THAP8: variants seen among roughly 807,000 people sequenced by gnomAD.
THAP8 encodes THAP domain-containing protein 8.
Under a neutral mutation model 25.0 loss-of-function variants are expected in THAP8, and 24 were observed. The observed-to-expected ratio is 0.96, with a 90% CI of 0.69 to 1.35. The LOEUF (loss-of-function observed/expected upper bound fraction) is 1.35, where lower values mean the gene tolerates loss of function less well. Ranked by LOEUF, THAP8 falls within the 40% of genes most tolerant of loss-of-function variation. THAP8 has a pLI of 0.00. For synonymous variants in THAP8, 169 were observed against 157.6 expected, an observed-to-expected ratio of 1.07 and a Z score of -0.54; for missense variants, 399 against 368.8, an observed-to-expected ratio of 1.08 and a Z score of -0.67.
intron 1 of THAP8, among the ~76,000 whole-genome samples, chr19:36,051,369 C>A (rs1411319433): frequency 5.3e-5 from 8 of 152,106 alleles, no homozygotes; most frequent in African/African-American, 1.9e-4. Context: ...TCCAGCCTCA[C>A]TTTATTTTTT....
chr19:36,040,169 T>C (rs757290478), intron 1 of THAP8, 33 bp from the exon 2 acceptor site: 1 of 1,572,302 alleles, frequency 6.4e-7, no homozygotes, highest in Non-Finnish European at 8.6e-7. Context: ...GGGTCAGTGC[T>C]ACGAGGTTCA....
Position 36,035,285 on chromosome 19 carries a change from A to C in THAP8, c.*155T>G. ...GGGCCCAGGTCACCCCTAAGGTTCA[A>C]GAGATCCCTAGGAGTGGGGTGGTAG... On this transcript the variant is annotated 3_prime_UTR_variant, in exon 4 of 4. Transcript: ENST00000292894. 3.1e-6 allele frequency: 3 copies of C among 969,454 alleles called. No homozygotes were observed. Among genetic ancestry groups the C allele is most frequent in the Non-Finnish European group, 4.4e-6 (3 of 678,400 alleles). 60.1% of individuals were successfully genotyped at this position (969,454 alleles called of 1,614,324 possible).
chr19:36,037,208 A>C, intron 3 of THAP8, among the ~76,000 whole-genome samples: 1 of 151,172 alleles, frequency 6.6e-6, no homozygotes, highest in African/African-American at 2.4e-5. Context: ...CACCCCACAC[A>C]CAGAGACATA....
intron 1 of THAP8, among the ~76,000 whole-genome samples, chr19:36,052,312 G>A (rs933457061): frequency 2.6e-5 from 4 of 152,148 alleles, no homozygotes; most frequent in African/African-American, 9.7e-5. Context: ...CAAAGTGCTG[G>A]GATTACAGGC....
Position 36,035,424 on chromosome 19 carries a change from TTGTC to T in THAP8, c.*12_*15del. ...ATCTTCTATCTTTTGTCCCTCGACA[TTGTC>T]TGTCTTGATCCTTATGCACTGGGGA... On this transcript the variant is annotated 3_prime_UTR_variant, in exon 4 of 4. Transcript: ENST00000292894. 1 of 1,604,608 alleles carries T rather than the reference TTGTC, an allele frequency of 6.2e-7. No individual in the cohort carries two copies. Among genetic ancestry groups the T allele is most frequent in the African/African-American group, 1.3e-5 (1 of 74,826 alleles).
rs371566939 is a variant in THAP8, at chr19:36,039,578, G to A, written c.417C>T (p.Ser139=). The part of the protein sequence containing the change: ...RLVVLGPTSG[S]PKTVATMLLT... ...GGAGCATGGTGGCCACAGTCTTGGG[G>A]CTCCCCGATGTGGGGCCCAGCACCA... Residue 139 remains serine, a synonymous_variant, in exon 3 of 4, where the codon AGC becomes AGT. Transcript: ENST00000292894. 1.4e-4 allele frequency: 211 copies of A among 1,515,592 alleles called. 1 individual carries two copies. The African/African-American group carries it at 2.7e-3, about 20-fold the overall frequency. 93.9% of individuals were successfully genotyped at this position (1,515,592 alleles called of 1,614,324 possible).
At chr19:36,044,559 G>A (rs951432496) in intron 1 of THAP8, among the ~76,000 whole-genome samples, 1 of 151,966 alleles carries the variant, frequency 6.6e-6, no homozygotes, top group African/African-American at 2.4e-5. Context: ...GCACGATCAT[G>A]GCTCACTGTA....
chr19:36,047,527 A>G (rs1969918093), intron 1 of THAP8, among the ~76,000 whole-genome samples: 1 of 152,198 alleles, frequency 6.6e-6, no homozygotes, highest in South Asian at 2.1e-4. Context: ...GCTAAGGATG[A>G]CAGAGCAGAA....
chr19:36,045,213 G>A (rs10414877), intron 1 of THAP8, among the ~76,000 whole-genome samples: 43,389 of 151,606 alleles, frequency 0.29, 6,476 homozygotes, highest in Non-Finnish European at 0.33. Flanking sequence ...TCAGCCTCCC[G>A]AGTAGCTGGG....
chr19:36,036,407 C>G (rs995697929), intron 3 of THAP8, among the ~76,000 whole-genome samples: 1 of 150,820 alleles, frequency 6.6e-6, no homozygotes, highest in Non-Finnish European at 1.5e-5. Flanking sequence ...TCTCAAATAG[C>G]TAGAACTATA....
At chr19:36,040,698 C>G (rs1969660480) in intron 1 of THAP8, among the ~76,000 whole-genome samples, 1 of 152,144 alleles carries the variant, frequency 6.6e-6, no homozygotes, top group Non-Finnish European at 1.5e-5. Flanking sequence ...TCTGCCCCCT[C>G]CACTGCCCCT....
rs754740488 is a variant in THAP8, at chr19:36,040,052, G to T, written c.168C>A (p.His56Gln). 50 of 1,613,726 alleles carry T rather than the reference G, an allele frequency of 3.1e-5. No individual in the cohort carries two copies. The highest frequency in any genetic ancestry group is 4.2e-5 in the Non-Finnish European group (49 of 1,179,858). The change falls in exon 2 of 4, where the codon CAC (histidine) becomes CAA (glutamine). Residue 56 changes from histidine to glutamine, a missense_variant. Transcript: ENST00000292894. ...AGGGTGTGAAGTGCTCGCTGCACAAGTGCTGGTGGCAGCTGGGCACCCAGT... is the reference window on the plus strand; with the variant it reads ...AGGGTGTGAAGTGCTCGCTGCACAATTGCTGGTGGCAGCTGGGCACCCAGT... The part of the protein sequence containing the change: ...CEHWVPSCHQ[H>Q]LCSEHFTPSC...
At chr19:36,041,202 C>A (rs960347547) in intron 1 of THAP8, among the ~76,000 whole-genome samples, 1 of 151,146 alleles carries the variant, frequency 6.6e-6, no homozygotes, top group Non-Finnish European at 1.5e-5. Flanking sequence ...GTCCCAGCTA[C>A]TCGGGAGGCT....
intron 1 of THAP8, among the ~76,000 whole-genome samples, chr19:36,047,148 C>G (rs1460519732): frequency 1.3e-5 from 2 of 152,198 alleles, no homozygotes; most frequent in Non-Finnish European, 2.9e-5. Flanking sequence ...CCCCCATGTT[C>G]CCCTTTGTAT....
At chr19:36,043,002 C>T (rs1364057106) in intron 1 of THAP8, among the ~76,000 whole-genome samples, 1 of 148,786 alleles carries the variant, frequency 6.7e-6, no homozygotes. Flanking sequence ...GATCTCGGCT[C>T]ACTGCAACCT....
At position 36,048,858 on chromosome 19, in the gene THAP8, AAAAAAAC is replaced by A. The variant is rs1568555132; in HGVS notation, c.83+5270_83+5276del. Among the ~76,000 whole-genome samples, 136 of 52,658 alleles carry A rather than the reference AAAAAAAC, an allele frequency of 2.6e-3. 1 individual carries two copies. Among genetic ancestry groups the A allele is most frequent in the African/African-American group, 8.4e-3 (131 of 15,578 alleles). The allele number at this position is 52,658 out of a possible 152,430, so 34.5% of individuals were successfully genotyped here. A position where few individuals can be genotyped will look rare whatever the true frequency, so the allele number is the denominator to read the frequency against. ...CCCTTCTTTAAAAAAAAAAAAAAACAAAAAAACAAAAAACACCTTTGTTGTAGTAAGC... is the reference window on the plus strand; with the variant it reads ...CCCTTCTTTAAAAAAAAAAAAAAACAAAAAAACACCTTTGTTGTAGTAAGC... On this transcript the variant is annotated intron_variant, in intron 1 of 3. Coordinates refer to ENST00000292894, the MANE Select transcript of THAP8 (RefSeq NM_152658.3).
rs1969393234 is a variant in THAP8, at chr19:36,035,360, G to C, written c.*80C>G. 1 of 1,536,374 alleles carries C rather than the reference G, an allele frequency of 6.5e-7. No individual in the cohort carries two copies. The highest frequency in any genetic ancestry group is 8.8e-7 in the Non-Finnish European group (1 of 1,133,600). ...TGCTACTACCCAGGCGTGGGCGGTG[G>C]GGCTGGGCCAAGCCCACGTATAATG... is the stretch of plus-strand genomic sequence containing the variant. On this transcript the variant is annotated 3_prime_UTR_variant, in exon 4 of 4. Coordinates refer to ENST00000292894, the MANE Select transcript of THAP8 (RefSeq NM_152658.3).
intron 1 of THAP8, among the ~76,000 whole-genome samples, chr19:36,051,061 C>T (rs1162633505): frequency 2.6e-5 from 4 of 151,686 alleles, no homozygotes; most frequent in East Asian, 3.8e-4. Flanking sequence ...ACATCGAAAA[C>T]GCAATATGCA....
intron 1 of THAP8, among the ~76,000 whole-genome samples, chr19:36,045,094 A>T (rs1273339251): frequency 2.1e-5 from 3 of 141,120 alleles, no homozygotes; most frequent in Non-Finnish European, 4.6e-5. Context: ...TATTTATTTA[A>T]TTTATTTTTT....
Sources: gnomAD v4.1 joint callset for allele counts (sites outside exome capture counted in the v4.1 genomes callset) on GRCh38, gnomAD v4.1.1 for gene constraint, MANE v1.5 for transcripts, NCBI Gene and HGNC (gene_info 2026-07-23, HGNC 2026-07-21) for gene names.